Variants in SRPK2 observed in about 807,000 individuals in gnomAD.
The protein encoded by SRPK2 is SFRS protein kinase 2.
Under a neutral mutation model 90.8 loss-of-function variants are expected in SRPK2, and 21 were observed. That is an observed-to-expected ratio of 0.23 (90% CI 0.16 to 0.33). The LOEUF (loss-of-function observed/expected upper bound fraction) is 0.33. Ranked by LOEUF, SRPK2 falls within the 10% of genes least tolerant of loss-of-function variation. The pLI is 1.00. For synonymous variants in SRPK2, 288 were observed against 311.1 expected (o/e 0.93, Z 0.78); for missense variants, 620 against 869.0 (o/e 0.71, Z 3.60).
At chr7:105,372,644 CT>C (rs1440526133) in intron 2 of SRPK2, among the ~76,000 whole-genome samples, 1 of 152,150 alleles carries the variant, frequency 6.6e-6, no homozygotes, top group Admixed American at 6.6e-5. Context: ...CTACCTTCAC[CT>C]TTGGTTGGTG....
At chr7:105,317,459 A>G (rs1812435580) in intron 2 of SRPK2, among the ~76,000 whole-genome samples, 1 of 152,214 alleles carries the variant, frequency 6.6e-6, no homozygotes, top group East Asian at 1.9e-4. Flanking sequence ...CACCTGTGCA[A>G]TCATTTTATT....
At chr7:105,154,988 T>C (rs753200809) in intron 7 of SRPK2, among the ~76,000 whole-genome samples, 6 of 151,424 alleles carry the variant, frequency 4.0e-5, no homozygotes, top group Non-Finnish European at 5.9e-5. Context: ...TTATTCTTGT[T>C]TGTCTGTTTG....
At chr7:105,200,509 C>T (rs957744172) in intron 3 of SRPK2, among the ~76,000 whole-genome samples, 4 of 151,522 alleles carry the variant, frequency 2.6e-5, no homozygotes, top group Admixed American at 6.6e-5. Flanking sequence ...CCCGGGGTGG[C>T]GGCGGGGGTA....
intron 3 of SRPK2, among the ~76,000 whole-genome samples, chr7:105,188,683 C>G (rs571277627): frequency 1.1e-3 from 171 of 152,200 alleles, no homozygotes; most frequent in African/African-American, 3.9e-3. Context: ...CTACTGAATC[C>G]AGAACATCAA....
At chr7:105,217,165 C>A (rs999337739) in intron 2 of SRPK2, among the ~76,000 whole-genome samples, 1 of 152,176 alleles carries the variant, frequency 6.6e-6, no homozygotes, top group Non-Finnish European at 1.5e-5. Flanking sequence ...AGGTCAACAT[C>A]GATCCCACCA....
At chr7:105,171,216 C>G (rs1350229046) in intron 3 of SRPK2, among the ~76,000 whole-genome samples, 2 of 152,060 alleles carry the variant, frequency 1.3e-5, no homozygotes, top group Non-Finnish European at 2.9e-5. Context: ...CATTTTTAAG[C>G]AGAATAAGCA....
chr7:105,300,409 A>G (rs1810399220), intron 2 of SRPK2, among the ~76,000 whole-genome samples: 1 of 152,178 alleles, frequency 6.6e-6, no homozygotes, highest in African/African-American at 2.4e-5. Context: ...TATAAAACAA[A>G]ACTGATTTTC....
intron 7 of SRPK2, among the ~76,000 whole-genome samples, chr7:105,148,435 T>C (rs1483137205): frequency 6.6e-6 from 1 of 152,236 alleles, no homozygotes; most frequent in Admixed American, 6.5e-5. Context: ...TCAGTGTTTT[T>C]CTATAATTAT....
intron 2 of SRPK2, among the ~76,000 whole-genome samples, chr7:105,380,794 T>C (rs894624301): frequency 6.6e-6 from 1 of 151,990 alleles, no homozygotes; most frequent in Non-Finnish European, 1.5e-5. Flanking sequence ...AGCGCTGGGA[T>C]TACAGGCGTA....
intron 2 of SRPK2, among the ~76,000 whole-genome samples, chr7:105,221,163 T>G (rs1798048492): frequency 6.6e-6 from 1 of 152,172 alleles, no homozygotes; most frequent in South Asian, 2.1e-4. Context: ...ACACCCTTCA[T>G]AAAGTTGAAA....
At chr7:105,321,696 T>G (rs1812959141) in intron 2 of SRPK2, among the ~76,000 whole-genome samples, 1 of 152,142 alleles carries the variant, frequency 6.6e-6, no homozygotes. Context: ...TATGAAAAGA[T>G]GCTCAACATC....
chr7:105,364,854 G>A (rs1316447199), intron 2 of SRPK2, among the ~76,000 whole-genome samples: 1 of 152,118 alleles, frequency 6.6e-6, no homozygotes, highest in African/African-American at 2.4e-5. Context: ...AACTTTAAAA[G>A]GCAATCTCTC....
At chr7:105,341,725 T>C (rs1215586727) in intron 2 of SRPK2, among the ~76,000 whole-genome samples, 1 of 151,950 alleles carries the variant, frequency 6.6e-6, no homozygotes, top group Non-Finnish European at 1.5e-5. Context: ...TCCAGCACTT[T>C]GGGAGGCTGA....
upstream of SRPK2, among the ~76,000 whole-genome samples, chr7:105,390,970 G>C (rs1038776120): frequency 7.2e-5 from 11 of 152,078 alleles, no homozygotes; most frequent in Non-Finnish European, 1.0e-4. Flanking sequence ...TGATGTTACA[G>C]TTAATTATTT....
chr7:105,361,059 T>C (rs1042263183), intron 2 of SRPK2, among the ~76,000 whole-genome samples: 3 of 152,216 alleles, frequency 2.0e-5, no homozygotes, highest in African/African-American at 7.2e-5. Flanking sequence ...GCAGATGACA[T>C]GATTGTCTAT....
intron 12 of SRPK2, 41 bp downstream of exon 12, chr7:105,132,963 A>C: frequency 6.2e-7 from 1 of 1,613,432 alleles, no homozygotes; most frequent in Non-Finnish European, 8.5e-7. Context: ...CTTCGCACAC[A>C]GAATCAAGAC....
chr7:105,288,475 T>C (rs930588072), intron 2 of SRPK2, among the ~76,000 whole-genome samples: 2 of 151,958 alleles, frequency 1.3e-5, no homozygotes, highest in Non-Finnish European at 2.9e-5. Context: ...GCACCTGTAA[T>C]CTCAGCTACT....
chr7:105,119,747 G>A (rs141042275), intron 15 of SRPK2, among the ~76,000 whole-genome samples: 9 of 152,220 alleles, frequency 5.9e-5, no homozygotes, highest in African/African-American at 7.2e-5. Flanking sequence ...CTGAAATTCC[G>A]GCTCTAGGAA....
At chr7:105,261,926 C>T (rs1347356062) in intron 2 of SRPK2, among the ~76,000 whole-genome samples, 2 of 152,114 alleles carry the variant, frequency 1.3e-5, no homozygotes, top group Non-Finnish European at 2.9e-5. Context: ...ACAGCCAGGA[C>T]ATGACCAAAG....
Sources: gnomAD v4.1 joint callset for allele counts (sites outside exome capture counted in the v4.1 genomes callset) on GRCh38, gnomAD v4.1.1 for gene constraint, MANE v1.5 for transcripts, NCBI Gene and HGNC (gene_info 2026-07-23, HGNC 2026-07-21) for gene names.